Variants in RUFY1 observed in about 807,000 individuals in gnomAD.
RUFY1 encodes the protein RUN and FYVE domain containing 1.
In RUFY1, 54 loss-of-function variants were observed where a neutral mutation model predicts 94.6. That is an observed-to-expected ratio of 0.57 (90% CI 0.46 to 0.72). The LOEUF (loss-of-function observed/expected upper bound fraction) is 0.72, where lower values mean the gene tolerates loss of function less well. Ranked by LOEUF, RUFY1 falls within the 30% of genes least tolerant of loss-of-function variation. RUFY1 has a pLI of 0.00. For missense variants in RUFY1, 883 were observed against 883.9 expected, an observed-to-expected ratio of 1.00 and a Z score of 0.01; for synonymous variants, 396 against 347.3, an observed-to-expected ratio of 1.14 and a Z score of -1.56.
Position 179,550,809 on chromosome 5 carries a change from C to T in RUFY1, c.240C>T (p.Ser80=), listed in dbSNP as rs1761789982. The T allele has an allele frequency of 2.3e-6, 3 of 1,301,672 alleles. No homozygotes were observed. Among genetic ancestry groups the T allele is most frequent in the Non-Finnish European group, 2.9e-6 (3 of 1,026,084 alleles). The allele number at this position is 1,301,672 out of a possible 1,614,324, so 80.6% of individuals were successfully genotyped here. Residue 80 remains serine, a synonymous_variant, in exon 1 of 18, where the codon AGC becomes AGT. Coordinates refer to ENST00000319449, the MANE Select transcript of RUFY1 (RefSeq NM_025158.5). ...GGGCCACCGGGAACCTGTCGGCGAGCTGCGGGAGCGCGCTGCGCGCGGCCG... is the reference window on the plus strand; with the variant it reads ...GGGCCACCGGGAACCTGTCGGCGAGTTGCGGGAGCGCGCTGCGCGCGGCCG... ...ARRATGNLSA[S]CGSALRAAAG... is the part of the protein sequence containing the mutation.
chr5:179,585,969 G>A, intron 8 of RUFY1, 104 bp downstream of exon 8: 1 of 867,674 alleles, frequency 1.2e-6, no homozygotes, highest in Non-Finnish European at 1.9e-6. Flanking sequence ...TGGTAGGAAG[G>A]GGACTTGCTA....
At chr5:179,573,936 T>G (rs1763419416) in intron 5 of RUFY1, among the ~76,000 whole-genome samples, 1 of 152,192 alleles carries the variant, frequency 6.6e-6, no homozygotes, top group Admixed American at 6.5e-5. Context: ...ATTCATAGGT[T>G]TCTTATTGAA....
intron 13 of RUFY1, among the ~76,000 whole-genome samples, chr5:179,597,337 G>A (rs1375429383): frequency 6.6e-6 from 1 of 152,082 alleles, no homozygotes; most frequent in Non-Finnish European, 1.5e-5. Context: ...CCGGGTTCAC[G>A]CCATTCTCCT....
Position 179,550,745 on chromosome 5 carries a change from C to T in RUFY1, c.176C>T (p.Ala59Val). Residue 59 changes from alanine to valine, a missense_variant, in exon 1 of 18, where the codon GCC (alanine) becomes GTC (valine). Ala to Val is a moderately conservative substitution (Grantham distance 64). Transcript: ENST00000319449. The stretch of plus-strand genomic sequence containing the variant: ...CGGAGCGCAACGAGGCCGCGGGCGG[C>T]CGAGGGCTGGTCGGCGCCCATCCTG... Reference protein sequence around the residue: ...DLRSATRPRAAEGWSAPILTL... With the variant: ...DLRSATRPRAVEGWSAPILTL... The T allele has an allele frequency of 6.9e-7, 1 of 1,455,116 alleles. No homozygotes were observed. Among genetic ancestry groups the T allele is most frequent in the Non-Finnish European group, 9.1e-7 (1 of 1,104,816 alleles). The allele number at this position is 1,455,116 out of a possible 1,614,324, so 90.1% of individuals were successfully genotyped here.
chr5:179,577,507 G>A (rs1763718288), intron 6 of RUFY1, among the ~76,000 whole-genome samples: 1 of 151,032 alleles, frequency 6.6e-6, no homozygotes, highest in Admixed American at 6.6e-5. Flanking sequence ...CGGGTCTTTG[G>A]GGCTAGCGGA....
rs1292687292 is a variant in RUFY1 at position 179,585,867 on chromosome 5, T to G, written c.1026+2T>G. On this transcript the variant is annotated splice_donor_variant, in intron 8 of 17. Transcript: ENST00000319449. LOFTEE classifies it high-confidence loss of function. The stretch of plus-strand genomic sequence containing the variant: ...ACTAACTCAAAGCTTCAAGAAGAGG[T>G]TTGTAAGTTTTATTGAAATTTTTAG... The G allele has an allele frequency of 6.2e-7, 1 of 1,610,894 alleles. No individual in the cohort carries two copies. The highest frequency in any genetic ancestry group is 8.5e-7 in the Non-Finnish European group (1 of 1,177,328).
Position 179,609,949 on chromosome 5 carries a change from T to G in RUFY1, c.*430T>G, listed in dbSNP as rs1767563983. Reference sequence around the variant, plus strand: ...TGCCTTCTCTGCTTCAGACAAGAGATCTGCCATTTCATGCCCTTGTGACTA... The same window carrying G: ...TGCCTTCTCTGCTTCAGACAAGAGAGCTGCCATTTCATGCCCTTGTGACTA... On this transcript the variant is annotated 3_prime_UTR_variant, in exon 18 of 18. Coordinates refer to ENST00000319449, the MANE Select transcript of RUFY1 (RefSeq NM_025158.5). 6.4e-6 allele frequency: 1 copy of G among 156,674 alleles called. No homozygotes were observed. Among genetic ancestry groups the G allele is most frequent in the Non-Finnish European group, 1.4e-5 (1 of 70,890 alleles). 9.7% of individuals were successfully genotyped at this position (156,674 alleles called of 1,614,324 possible).
At chr5:179,609,015 C>T (rs182085299) in intron 17 of RUFY1, among the ~76,000 whole-genome samples, 277 of 151,656 alleles carry the variant, frequency 1.8e-3, no homozygotes, top group African/African-American at 6.0e-3. Flanking sequence ...GTCAGGAGAT[C>T]GAGACCATCC....
chr5:179,605,210 T>C (rs1209399708), intron 15 of RUFY1, among the ~76,000 whole-genome samples: 1 of 145,662 alleles, frequency 6.9e-6, no homozygotes, highest in Non-Finnish European at 1.5e-5. Context: ...GCCCAGGAGG[T>C]CAAGGTTGCA....
At position 179,564,900 on chromosome 5, in the gene RUFY1, C is replaced by T. The variant is rs1166739488; in HGVS notation, c.602+2236C>T. 3.3e-5 allele frequency among the ~76,000 whole-genome samples: 5 copies of T among 151,970 alleles called. No individual in the cohort carries two copies. In the East Asian group the frequency reaches 5.8e-4, roughly 18 times the overall value. On this transcript the variant is annotated intron_variant, in intron 3 of 17. Transcript: ENST00000319449. ...ACTAAAGCTATAAAAAAAGTAAAGT[C>T]CTCTGTGTACTGATATGGAAAGATT... is the stretch of plus-strand genomic sequence containing the variant.
At chr5:179,555,323 G>A (rs933872747) in intron 1 of RUFY1, among the ~76,000 whole-genome samples, 20 of 152,254 alleles carry the variant, frequency 1.3e-4, no homozygotes, top group Middle Eastern at 3.4e-3. Flanking sequence ...AGAACTTCAC[G>A]ATATTCTCTG....
chr5:179,596,101 T>C (rs747644316), intron 12 of RUFY1: 2 of 207,546 alleles, frequency 9.6e-6, no homozygotes, highest in South Asian at 6.4e-5. Flanking sequence ...ATGTTCTGCA[T>C]TGGGTGATGG....
chr5:179,606,100 G>C (rs1222517158), intron 16 of RUFY1, 176 bp downstream of exon 16: 2 of 600,438 alleles, frequency 3.3e-6, no homozygotes, highest in African/African-American at 3.7e-5. Context: ...TGAGGGCGAT[G>C]CTGACAGGTG....
At chr5:179,581,124 C>A in intron 7 of RUFY1, 112 bp downstream of exon 7, 1 of 658,744 alleles carries the variant, frequency 1.5e-6, no homozygotes, top group Non-Finnish European at 2.7e-6. Flanking sequence ...CAAACCAAGA[C>A]AAAAGGGTCA....
At chr5:179,586,198 G>C in intron 8 of RUFY1, 3 of 432,020 alleles carry the variant, frequency 6.9e-6, no homozygotes, top group East Asian at 1.1e-4. Context: ...ATGATGCCGT[G>C]TGCCTCCCTG....
At position 179,586,901 on chromosome 5, in the gene RUFY1, C is replaced by T. The variant is rs146723101; in HGVS notation, c.1026+1036C>T. 2.0e-3 allele frequency among the ~76,000 whole-genome samples: 309 copies of T among 152,236 alleles called. 1 individual carries two copies. Among genetic ancestry groups the T allele is most frequent in the African/African-American group, 7.1e-3 (294 of 41,534 alleles). ...TCCTTTACTGTTGCAAAGATTAAGACGAATATCTGGTAAATGTGCTCAGGA... is the reference window on the plus strand; with the variant it reads ...TCCTTTACTGTTGCAAAGATTAAGATGAATATCTGGTAAATGTGCTCAGGA... On this transcript the variant is annotated intron_variant, in intron 8 of 17. Transcript: ENST00000319449.
Position 179,562,528 on chromosome 5 carries a change from C to T in RUFY1, c.485-19C>T. The stretch of plus-strand genomic sequence containing the variant: ...TTGCAACCTGTTCTTATGAATAACA[C>T]TTTTGTTTTTCCTTTTAGTTAAGAA... On this transcript the variant is annotated intron_variant, in intron 2 of 17. Transcript: ENST00000319449. 1 of 1,484,258 alleles carries T rather than the reference C, an allele frequency of 6.7e-7. No individual in the cohort carries two copies. Among genetic ancestry groups the T allele is most frequent in the Non-Finnish European group, 9.4e-7 (1 of 1,064,690 alleles). The allele number at this position is 1,484,258 out of a possible 1,614,324, so 91.9% of individuals were successfully genotyped here. A position where few individuals can be genotyped will look rare whatever the true frequency, so the allele number is the denominator to read the frequency against.
chr5:179,585,727 T>C lies in RUFY1; in HGVS notation c.957-69T>C, dbSNP rs149962159. 1.8e-4 allele frequency: 210 copies of C among 1,152,462 alleles called. No individual in the cohort carries two copies. In the African/African-American group the frequency reaches 2.7e-3, roughly 15 times the overall value. The allele number at this position is 1,152,462 out of a possible 1,614,324, so 71.4% of individuals were successfully genotyped here. A position where few individuals can be genotyped will look rare whatever the true frequency, so the allele number is the denominator to read the frequency against. On this transcript the variant is annotated intron_variant, in intron 7 of 17. Coordinates refer to ENST00000319449, the MANE Select transcript of RUFY1 (RefSeq NM_025158.5). ...CAGGAAATCTAGGAATCTCTCTTAC[T>C]GTTTACAGATTGAGAAAACAGTCAG...
intron 5 of RUFY1, among the ~76,000 whole-genome samples, chr5:179,571,213 A>G (rs976982679): frequency 2.6e-5 from 4 of 152,182 alleles, no homozygotes; most frequent in African/African-American, 7.2e-5. Flanking sequence ...TGACAATACT[A>G]TTGCTGGGCA....
Sources: allele counts gnomAD v4.1 joint callset (sites outside exome capture counted in the v4.1 genomes callset), GRCh38; gene constraint gnomAD v4.1.1; transcripts MANE v1.5; gene names NCBI Gene and HGNC (gene_info 2026-07-23, HGNC 2026-07-21).